RDH10: variants seen among roughly 807,000 people sequenced by gnomAD.
The protein encoded by RDH10 is retinol dehydrogenase 10.
A neutral mutation model predicts 30.2 loss-of-function variants in RDH10; 12 were observed. The observed-to-expected ratio is 0.40, with a 90% CI of 0.25 to 0.64. RDH10 has a LOEUF of 0.64. RDH10 is among the 30% of genes least tolerant of loss of function. The pLI, the probability that RDH10 is intolerant of heterozygous loss-of-function variation, is 0.43. For synonymous variants in RDH10, 189 were observed against 172.2 expected (o/e 1.10, Z -0.76); for missense variants, 268 against 445.2 (o/e 0.60, Z 3.58).
At chr8:73,312,659 T>A (rs1030081500) in intron 2 of RDH10, 1 of 152,252 alleles carries the variant, frequency 6.6e-6, no homozygotes, top group Non-Finnish European at 1.5e-5. Context: ...GCATTTCCAG[T>A]CAGACGTTCT....
At position 73,295,590 on chromosome 8, in the gene RDH10, C is replaced by A. The variant is rs371199254; in HGVS notation, c.289+12C>A. 1 of 1,485,356 alleles carries A rather than the reference C, an allele frequency of 6.7e-7. No homozygotes were observed. The highest frequency in any genetic ancestry group is 1.4e-5 in the African/African-American group (1 of 69,644). 92.0% of individuals were successfully genotyped at this position (1,485,356 alleles called of 1,614,324 possible). On this transcript the variant is annotated intron_variant, in intron 1 of 5. Coordinates refer to ENST00000240285, the MANE Select transcript of RDH10 (RefSeq NM_172037.5). ...CGCTGCGCTGCAAGGTAACCTGGAC[C>A]CGCGCGGGAGCATTGTTGGGTCAAG...
At chr8:73,316,213 TCA>T (rs1814661083) in intron 2 of RDH10, among the ~76,000 whole-genome samples, 1 of 152,084 alleles carries the variant, frequency 6.6e-6, no homozygotes, top group Non-Finnish European at 1.5e-5. Context: ...AGGCAGCGTT[TCA>T]CAGTGTTTCC....
chr8:73,312,336 C>CA (rs1258530713), intron 2 of RDH10: 1 of 152,150 alleles, frequency 6.6e-6, no homozygotes, highest in Non-Finnish European at 1.5e-5. Context: ...GATCACAGGA[C>CA]AATGAATAAA....
intron 2 of RDH10, 156 bp downstream of exon 2, chr8:73,297,585 T>A: frequency 1.7e-6 from 1 of 604,250 alleles, no homozygotes. Context: ...GTATGCTGGT[T>A]ACTGTTAGTC....
intron 2 of RDH10, among the ~76,000 whole-genome samples, chr8:73,301,243 G>A (rs990672968): frequency 1.9e-4 from 28 of 148,846 alleles, no homozygotes; most frequent in African/African-American, 6.9e-4. Flanking sequence ...GTAGAGACGG[G>A]GTTTCACCGT....
intron 2 of RDH10, chr8:73,315,715 C>A (rs149043755): frequency 1.7e-4 from 56 of 338,184 alleles, no homozygotes; most frequent in African/African-American, 1.2e-3. Context: ...AGAGTGGACA[C>A]GTGAGTGAGT....
In RDH10 at chr8:73,297,324, A is replaced by G; in HGVS notation, c.420A>G (p.Ser140=). The G allele has an allele frequency of 6.2e-7, 1 of 1,613,650 alleles. No individual in the cohort carries two copies. ...ERVRKEVGEV[S]VLVNNAGVVS... Reference sequence around the variant, plus strand: ...TCCGCAAGGAGGTTGGCGAAGTCTCAGTCCTGGTCAATAATGCTGGTGTGG... The same window carrying G: ...TCCGCAAGGAGGTTGGCGAAGTCTCGGTCCTGGTCAATAATGCTGGTGTGG... The change falls in exon 2 of 6, where the codon TCA becomes TCG. Residue 140 remains serine (S), a synonymous_variant. Transcript: ENST00000240285.
chr8:73,315,139 C>G (rs1055010722), intron 2 of RDH10, among the ~76,000 whole-genome samples: 2 of 136,462 alleles, frequency 1.5e-5, no homozygotes, highest in African/African-American at 5.5e-5. Flanking sequence ...CTCTCCCCAC[C>G]GGCCTCCTCT....
chr8:73,299,614 T>C (rs912858484), intron 2 of RDH10, among the ~76,000 whole-genome samples: 4 of 152,230 alleles, frequency 2.6e-5, no homozygotes, highest in African/African-American at 9.6e-5. Flanking sequence ...TCCCGTAACC[T>C]TTGACTAAGA....
chr8:73,313,698 A>ACT, intron 2 of RDH10, among the ~76,000 whole-genome samples: 1 of 152,286 alleles, frequency 6.6e-6, no homozygotes, highest in East Asian at 1.9e-4. Flanking sequence ...GACCCCCTAG[A>ACT]TCAAGAGTCA....
intron 1 of RDH10, among the ~76,000 whole-genome samples, chr8:73,296,815 C>T (rs990703345): frequency 2.6e-5 from 4 of 152,092 alleles, no homozygotes; most frequent in East Asian, 1.9e-4. Context: ...TCTCTTGGGC[C>T]ACTGTTTCCC....
At chr8:73,297,705 G>A (rs1814294969) in intron 2 of RDH10, 2 of 322,550 alleles carry the variant, frequency 6.2e-6, no homozygotes, top group Non-Finnish European at 1.2e-5. Flanking sequence ...TAACACGAAG[G>A]AGCGTAAAAC....
At chr8:73,318,200 A>C (rs1246970484) in intron 2 of RDH10, among the ~76,000 whole-genome samples, 1 of 151,998 alleles carries the variant, frequency 6.6e-6, no homozygotes, top group African/African-American at 2.4e-5. Context: ...TTAATAGATC[A>C]TCGTAAGCAA....
intron 2 of RDH10, among the ~76,000 whole-genome samples, chr8:73,302,871 G>C (rs1814403127): frequency 6.6e-6 from 1 of 152,154 alleles, no homozygotes; most frequent in Non-Finnish European, 1.5e-5. Flanking sequence ...TTTAACCGAA[G>C]AGCTGCATTT....
chr8:73,302,077 C>G (rs902658087), intron 2 of RDH10, among the ~76,000 whole-genome samples: 1 of 152,188 alleles, frequency 6.6e-6, no homozygotes, highest in Admixed American at 6.5e-5. Flanking sequence ...TTCCTTCCCT[C>G]TTAACCATGT....
intron 2 of RDH10, among the ~76,000 whole-genome samples, chr8:73,306,641 A>G (rs1814467141): frequency 6.6e-6 from 1 of 152,264 alleles, no homozygotes; most frequent in Non-Finnish European, 1.5e-5. Context: ...ATGAATTCAC[A>G]TTTGGAAACA....
At chr8:73,299,315 C>G (rs1168824811) in intron 2 of RDH10, among the ~76,000 whole-genome samples, 15 of 152,152 alleles carry the variant, frequency 9.9e-5, no homozygotes, top group Non-Finnish European at 1.9e-4. Context: ...CAGGAACAGG[C>G]AGCAGGTGTC....
Position 73,296,243 on chromosome 8 carries a change from G to GT in RDH10, c.289+676dup, listed in dbSNP as rs941703252. Among the ~76,000 whole-genome samples, 461 of 144,544 alleles carry GT rather than the reference G, an allele frequency of 3.2e-3. 3 individuals are homozygous for GT. Among genetic ancestry groups the GT allele is most frequent in the African/African-American group, 5.0e-3 (196 of 39,448 alleles). 94.8% of individuals were successfully genotyped at this position (144,544 alleles called of 152,430 possible). A position where few individuals can be genotyped will look rare whatever the true frequency, so the allele number is the denominator to read the frequency against. The stretch of plus-strand genomic sequence containing the variant: ...TTATTAACTAACCTGAATCTGAGTT[G>GT]TTTTTTTTTTTAAGCCAAAGCAAAG... On this transcript the variant is annotated intron_variant, in intron 1 of 5. Transcript: ENST00000240285.
At chr8:73,320,448 T>G (rs903232921) in intron 3 of RDH10, among the ~76,000 whole-genome samples, 3 of 125,150 alleles carry the variant, frequency 2.4e-5, no homozygotes, top group Admixed American at 7.6e-5. Flanking sequence ...GTGTTTTTTT[T>G]TTGTTTTTGT....
Sources: gnomAD v4.1 joint callset for allele counts (sites outside exome capture counted in the v4.1 genomes callset) on GRCh38, gnomAD v4.1.1 for gene constraint, MANE v1.5 for transcripts, NCBI Gene and HGNC (gene_info 2026-07-23, HGNC 2026-07-21) for gene names.